PCLO: variants seen among roughly 807,000 people sequenced by gnomAD.
PCLO encodes the protein piccolo presynaptic cytomatrix protein, also known as protein piccolo.
In PCLO, 82 loss-of-function variants were observed where a neutral mutation model predicts 427.5. The observed-to-expected ratio is 0.19, with a 90% CI of 0.16 to 0.23. The LOEUF (loss-of-function observed/expected upper bound fraction) is 0.23, where lower values mean the gene tolerates loss of function less well. PCLO is among the 10% of genes least tolerant of loss of function. The probability of loss-of-function intolerance (pLI) is 1.00; values close to 1 mark genes in which losing one functional copy is unlikely to be tolerated. For synonymous variants in PCLO, 2,357 were observed against 2,155.4 expected (o/e 1.09, Z -2.59); for missense variants, 6,239 against 6,115.9 (o/e 1.02, Z -0.67).
At chr7:82,833,948 G>C (rs927375858) in intron 16 of PCLO, among the ~76,000 whole-genome samples, 1 of 151,994 alleles carries the variant, frequency 6.6e-6, no homozygotes, top group African/African-American at 2.4e-5. Context: ...AAATTCAAAC[G>C]CAAGTTCTTA....
intron 20 of PCLO, among the ~76,000 whole-genome samples, chr7:82,808,099 CAAAAG>C (rs1791492944): frequency 6.6e-6 from 1 of 151,770 alleles, no homozygotes; most frequent in Non-Finnish European, 1.5e-5. Flanking sequence ...TGATTATAAA[CAAAAG>C]AAAGCTGTCA....
At chr7:82,830,363 T>G (rs1158716395) in intron 16 of PCLO, among the ~76,000 whole-genome samples, 1 of 151,986 alleles carries the variant, frequency 6.6e-6, no homozygotes, top group African/African-American at 2.4e-5. Context: ...AACTAATGAC[T>G]TAATTTGATG....
At chr7:83,063,558 G>C (rs552532104) in intron 3 of PCLO, among the ~76,000 whole-genome samples, 1 of 152,038 alleles carries the variant, frequency 6.6e-6, no homozygotes, top group Non-Finnish European at 1.5e-5. Flanking sequence ...TTCTAGGCTG[G>C]TGCAAGTTTT....
intron 3 of PCLO, among the ~76,000 whole-genome samples, chr7:83,051,914 A>G (rs1260318357): frequency 6.6e-6 from 1 of 152,092 alleles, no homozygotes; most frequent in African/African-American, 2.4e-5. Context: ...CAGTCAAAGG[A>G]GCAACGGCAA....
At chr7:82,884,248 T>A (rs1793578197) in intron 9 of PCLO, among the ~76,000 whole-genome samples, 1 of 152,134 alleles carries the variant, frequency 6.6e-6, no homozygotes, top group African/African-American at 2.4e-5. Flanking sequence ...ATTCACAGTA[T>A]ATTGCATGAG....
intron 3 of PCLO, among the ~76,000 whole-genome samples, chr7:83,065,304 C>T (rs764784052): frequency 1.3e-4 from 19 of 151,768 alleles, no homozygotes; most frequent in Non-Finnish European, 2.7e-4. Flanking sequence ...AGTTATTCTC[C>T]CACTTTGTAT....
intron 3 of PCLO, among the ~76,000 whole-genome samples, chr7:83,069,095 A>C (rs2116344834): frequency 6.6e-6 from 1 of 152,320 alleles, no homozygotes; most frequent in African/African-American, 2.4e-5. Flanking sequence ...AAATGGCACA[A>C]AATTTCAATC....
intron 9 of PCLO, among the ~76,000 whole-genome samples, chr7:82,893,989 A>G (rs971490008): frequency 6.6e-6 from 1 of 151,942 alleles, no homozygotes; most frequent in Non-Finnish European, 1.5e-5. Flanking sequence ...TCTGTGTTTT[A>G]TTTTATATGT....
chr7:83,035,429 C>A (rs1788769553), intron 3 of PCLO, among the ~76,000 whole-genome samples: 2 of 151,992 alleles, frequency 1.3e-5, no homozygotes, highest in African/African-American at 4.8e-5. Context: ...GAAAATAATC[C>A]TTGTCTCTAC....
intron 2 of PCLO, among the ~76,000 whole-genome samples, chr7:83,153,814 T>C (rs1792198443): frequency 1.3e-5 from 2 of 152,190 alleles, no homozygotes; most frequent in Admixed American, 1.3e-4. Context: ...CCCATTTCTT[T>C]ATACCATCTT....
intron 2 of PCLO, among the ~76,000 whole-genome samples, chr7:83,136,747 T>C (rs1351530694): frequency 6.6e-6 from 1 of 152,094 alleles, no homozygotes; most frequent in Admixed American, 6.6e-5. Context: ...TACATGTACA[T>C]GTATGCATGT....
At chr7:82,942,931 T>C (rs903975063) in intron 6 of PCLO, among the ~76,000 whole-genome samples, 1 of 152,116 alleles carries the variant, frequency 6.6e-6, no homozygotes, top group Non-Finnish European at 1.5e-5. Context: ...TTTTAATAGA[T>C]TGCTTTCTTA....
intron 6 of PCLO, among the ~76,000 whole-genome samples, chr7:82,939,674 AATAGAT>A (rs1380659708): frequency 6.7e-6 from 1 of 148,370 alleles, no homozygotes; most frequent in Non-Finnish European, 1.5e-5. Flanking sequence ...GAGAGAGAGA[AATAGAT>A]ATAGATATAT....
chr7:82,799,778 C>T (rs1791302494), intron 22 of PCLO, among the ~76,000 whole-genome samples: 1 of 152,164 alleles, frequency 6.6e-6, no homozygotes, highest in African/African-American at 2.4e-5. Flanking sequence ...ATGTTTCTTG[C>T]TCCCAGAAAG....
intron 6 of PCLO, among the ~76,000 whole-genome samples, chr7:82,926,984 C>T (rs1794726947): frequency 6.6e-6 from 1 of 152,088 alleles, no homozygotes; most frequent in Admixed American, 6.6e-5. Context: ...ATATCCTGTT[C>T]ATATGGTTCC....
intron 14 of PCLO, 112 bp downstream of exon 14, chr7:82,841,347 T>C: frequency 1.4e-6 from 1 of 700,236 alleles, no homozygotes; most frequent in Non-Finnish European, 2.6e-6. Context: ...TACAGTTCTG[T>C]ATATATTACA....
At chr7:83,120,816 C>T (rs1791258126) in intron 3 of PCLO, among the ~76,000 whole-genome samples, 1 of 152,054 alleles carries the variant, frequency 6.6e-6, no homozygotes, top group Admixed American at 6.6e-5. Flanking sequence ...CATACCAGAC[C>T]TGTCTTATAA....
At chr7:82,969,486 A>G (rs1795854298) in intron 3 of PCLO, among the ~76,000 whole-genome samples, 1 of 152,046 alleles carries the variant, frequency 6.6e-6, no homozygotes, top group African/African-American at 2.4e-5. Context: ...CTATTTTGCA[A>G]TTATTTTTAA....
At chr7:82,987,320 C>A (rs1796278007) in intron 3 of PCLO, among the ~76,000 whole-genome samples, 1 of 151,984 alleles carries the variant, frequency 6.6e-6, no homozygotes, top group East Asian at 1.9e-4. Flanking sequence ...AGACTTATCA[C>A]ATGAGTTCTG....
Sources: gnomAD v4.1 joint callset for allele counts (sites outside exome capture counted in the v4.1 genomes callset) on GRCh38, gnomAD v4.1.1 for gene constraint, MANE v1.5 for transcripts, NCBI Gene and HGNC (gene_info 2026-07-23, HGNC 2026-07-21) for gene names.